XPO4: variants seen among roughly 807,000 people sequenced by gnomAD.
XPO4 encodes the protein exportin 4.
XPO4 carries 39 observed loss-of-function variants against 143.0 expected under a neutral mutation model. That is an observed-to-expected ratio of 0.27 (90% CI 0.21 to 0.36). The LOEUF is 0.36. Among genes scored for constraint, XPO4 ranks in the 10% least tolerant of loss-of-function variants. XPO4 has a pLI of 1.00. For missense variants in XPO4, 907 were observed against 1,348.0 expected (o/e 0.67, Z 5.12); for synonymous variants, 439 against 474.0 (o/e 0.93, Z 0.96).
intron 9 of XPO4, among the ~76,000 whole-genome samples, chr13:20,820,114 T>C (rs992789047): frequency 6.6e-6 from 1 of 152,232 alleles, no homozygotes; most frequent in Non-Finnish European, 1.5e-5. Context: ...AAGAGTAAAA[T>C]AAATGAAAAG....
At chr13:20,896,061 A>G (rs117918630) in intron 1 of XPO4, among the ~76,000 whole-genome samples, 1,553 of 152,302 alleles carry the variant, frequency 0.01, 9 homozygotes, top group Non-Finnish European at 0.013. Context: ...CTTGTAGCAT[A>G]CTTCCCTATA....
At chr13:20,871,909 C>T (rs1000590941) in intron 1 of XPO4, among the ~76,000 whole-genome samples, 1 of 152,086 alleles carries the variant, frequency 6.6e-6, no homozygotes, top group Admixed American at 6.5e-5. Context: ...TTTATATTAA[C>T]CACCTGGTTA....
At chr13:20,799,390 C>T (rs1018840523) in intron 15 of XPO4, 51 bp from the exon 16 acceptor site, 5 of 1,426,336 alleles carry the variant, frequency 3.5e-6, no homozygotes, top group Admixed American at 3.9e-5. Flanking sequence ...TATATACATA[C>T]ACACATACAC....
chr13:20,796,356 T>C, intron 17 of XPO4, 100 bp from the exon 18 acceptor site: 1 of 810,682 alleles, frequency 1.2e-6, no homozygotes, highest in East Asian at 3.0e-5. Flanking sequence ...ATTCCAACAG[T>C]AGCAATAATT....
chr13:20,822,102 T>C, intron 8 of XPO4, 30 bp downstream of exon 8: 1 of 1,574,434 alleles, frequency 6.4e-7, no homozygotes, highest in Non-Finnish European at 8.6e-7. Context: ...TAGAGCTCCT[T>C]TTTCAGCTGC....
At chr13:20,838,402 G>T (rs928308659) in intron 6 of XPO4, among the ~76,000 whole-genome samples, 1 of 151,756 alleles carries the variant, frequency 6.6e-6, no homozygotes, top group Non-Finnish European at 1.5e-5. Context: ...GAGGTCAGGA[G>T]ATCAAGACCA....
intron 1 of XPO4, among the ~76,000 whole-genome samples, chr13:20,887,798 T>C (rs1319315626): frequency 6.6e-6 from 1 of 151,016 alleles, no homozygotes; most frequent in Non-Finnish European, 1.5e-5. Context: ...GAGGTGGAGG[T>C]TGCAGTGAGC....
intron 4 of XPO4, among the ~76,000 whole-genome samples, chr13:20,845,376 A>C (rs2060020367): frequency 6.6e-6 from 1 of 152,202 alleles, no homozygotes; most frequent in Non-Finnish European, 1.5e-5. Flanking sequence ...TGCAACAATA[A>C]AAGTTCTCTG....
At chr13:20,829,342 C>A (rs1209364212) in intron 6 of XPO4, among the ~76,000 whole-genome samples, 1 of 152,110 alleles carries the variant, frequency 6.6e-6, no homozygotes, top group Non-Finnish European at 1.5e-5. Flanking sequence ...TATGCCAAAT[C>A]TAACAAATGA....
chr13:20,883,473 AAC>A (rs1453196364), intron 1 of XPO4, among the ~76,000 whole-genome samples: 1 of 152,248 alleles, frequency 6.6e-6, no homozygotes, highest in Non-Finnish European at 1.5e-5. Flanking sequence ...TGTAAGGCAT[AAC>A]AGACTAAACT....
chr13:20,785,904 A>AGGGC, intron 22 of XPO4, among the ~76,000 whole-genome samples: 1 of 143,082 alleles, frequency 7.0e-6, no homozygotes, highest in Non-Finnish European at 1.5e-5. Context: ...AAGAAAGAGG[A>AGGGC]GGGAGGAAGG....
At chr13:20,894,373 A>T (rs1485714042) in intron 1 of XPO4, among the ~76,000 whole-genome samples, 1 of 152,210 alleles carries the variant, frequency 6.6e-6, no homozygotes, top group Non-Finnish European at 1.5e-5. Flanking sequence ...AGGTTATATT[A>T]TACTTAGCAG....
intron 9 of XPO4, among the ~76,000 whole-genome samples, chr13:20,815,231 C>A (rs1401854531): frequency 6.6e-6 from 1 of 152,096 alleles, no homozygotes; most frequent in East Asian, 1.9e-4. Context: ...CTGTATGATA[C>A]CTTAATGATG....
chr13:20,795,774 T>G (rs2059350398), intron 18 of XPO4, among the ~76,000 whole-genome samples: 1 of 152,192 alleles, frequency 6.6e-6, no homozygotes, highest in Non-Finnish European at 1.5e-5. Context: ...TGCTTCTGTT[T>G]CCTCATCTAT....
intron 14 of XPO4, 57 bp downstream of exon 14, chr13:20,800,774 C>T (rs2059423001): frequency 1.3e-6 from 2 of 1,570,314 alleles, no homozygotes; most frequent in African/African-American, 1.4e-5. Flanking sequence ...AATGTTCCTG[C>T]TTCTATAACT....
intron 19 of XPO4, 30 bp downstream of exon 19, chr13:20,790,432 G>C (rs2059265880): frequency 7.3e-6 from 11 of 1,501,744 alleles, no homozygotes; most frequent in Non-Finnish European, 8.3e-6. Context: ...TACACATAGT[G>C]GTATGTTCAC....
intron 16 of XPO4, among the ~76,000 whole-genome samples, 164 bp downstream of exon 16, chr13:20,799,001 A>C (rs2059395710): frequency 6.6e-6 from 1 of 151,618 alleles, no homozygotes; most frequent in Non-Finnish European, 1.5e-5. Flanking sequence ...AGCCTGGGCA[A>C]CAGAGTAAGA....
intron 18 of XPO4, among the ~76,000 whole-genome samples, chr13:20,792,719 C>G (rs1427651008): frequency 1.0e-3 from 100 of 95,810 alleles, no homozygotes; most frequent in African/African-American, 3.6e-3. Flanking sequence ...AAAACTCTGT[C>G]TCACAAAAAA....
At chr13:20,886,010 A>G (rs958517639) in intron 1 of XPO4, among the ~76,000 whole-genome samples, 1 of 152,230 alleles carries the variant, frequency 6.6e-6, no homozygotes, top group African/African-American at 2.4e-5. Flanking sequence ...CAAATACACT[A>G]GAGTGGAAGA....
Sources: gnomAD v4.1 joint callset for allele counts (sites outside exome capture counted in the v4.1 genomes callset) on GRCh38, gnomAD v4.1.1 for gene constraint, MANE v1.5 for transcripts, NCBI Gene and HGNC (gene_info 2026-07-23, HGNC 2026-07-21) for gene names.